Variants in WDR64 observed in about 807,000 individuals in gnomAD.
WDR64 encodes WD repeat-containing protein 64.
Under a neutral mutation model 139.3 loss-of-function variants are expected in WDR64, and 112 were observed. That is an observed-to-expected ratio of 0.80 (90% CI 0.69 to 0.94). WDR64 has a LOEUF of 0.94. Ranked by LOEUF, WDR64 falls within the 40% of genes least tolerant of loss-of-function variation. WDR64 has a pLI of 0.00. For missense variants in WDR64, 1,206 were observed against 1,293.1 expected, an observed-to-expected ratio of 0.93 and a Z score of 1.03; for synonymous variants, 444 against 437.7, an observed-to-expected ratio of 1.01 and a Z score of -0.18.
At chr1:241,794,504 G>GTTTTTTTTTTTT (rs11419039) in intron 25 of WDR64, among the ~76,000 whole-genome samples, 3 of 81,454 alleles carry the variant, frequency 3.7e-5, no homozygotes, top group East Asian at 7.8e-4. Flanking sequence ...AAGCTTTACT[G>GTTTTTTTTTTTT]TTTTTTTTTT....
chr1:241,738,661 C>A (rs1669420056), intron 11 of WDR64, among the ~76,000 whole-genome samples, 172 bp downstream of exon 11: 1 of 152,198 alleles, frequency 6.6e-6, no homozygotes, highest in Admixed American at 6.5e-5. Context: ...CTATATATTT[C>A]TGTGGCTGGA....
chr1:241,675,719 T>TC (rs1358274674), intron 4 of WDR64, among the ~76,000 whole-genome samples: 1 of 152,228 alleles, frequency 6.6e-6, no homozygotes, highest in Non-Finnish European at 1.5e-5. Context: ...CTTTCACATC[T>TC]CTTTTTTTAC....
chr1:241,676,488 C>T (rs921471182), intron 4 of WDR64: 1 of 152,038 alleles, frequency 6.6e-6, no homozygotes, highest in Non-Finnish European at 1.5e-5. Flanking sequence ...CTTTTGTTAC[C>T]TTTATTACCT....
intron 21 of WDR64, among the ~76,000 whole-genome samples, chr1:241,777,746 A>C (rs1658711626): frequency 6.6e-6 from 1 of 152,102 alleles, no homozygotes; most frequent in South Asian, 2.1e-4. Context: ...AAATACTTTT[A>C]AATTTCCCTT....
chr1:241,774,981 G>A (rs1658598608), intron 20 of WDR64, 124 bp from the exon 21 acceptor site: 5 of 709,722 alleles, frequency 7.0e-6, no homozygotes, highest in South Asian at 6.1e-5. Context: ...CAGGGGAATC[G>A]TGGTTCAGTA....
chr1:241,783,980 G>T (rs1168235120), intron 23 of WDR64, among the ~76,000 whole-genome samples: 1 of 152,202 alleles, frequency 6.6e-6, no homozygotes, highest in East Asian at 1.9e-4. Flanking sequence ...CCGCTTAAAA[G>T]AATGAAGTTA....
chr1:241,659,727 A>G (rs1263722899), intron 1 of WDR64, among the ~76,000 whole-genome samples: 1 of 152,144 alleles, frequency 6.6e-6, no homozygotes, highest in East Asian at 1.9e-4. Flanking sequence ...GTGTTCGTTC[A>G]TGTCCTTTGC....
intron 15 of WDR64, among the ~76,000 whole-genome samples, chr1:241,762,461 T>C (rs752689528): frequency 1.4e-4 from 21 of 152,192 alleles, no homozygotes; most frequent in Non-Finnish European, 2.5e-4. Context: ...GGCATATGTT[T>C]GAGGCTGAAG....
intron 26 of WDR64, 100 bp downstream of exon 26, chr1:241,795,387 TAC>T: frequency 9.4e-7 from 1 of 1,065,746 alleles, no homozygotes; most frequent in Non-Finnish European, 1.4e-6. Context: ...GAGAAAATCA[TAC>T]AGTCAGTTGG....
At chr1:241,740,700 C>T (rs1238327012) in intron 11 of WDR64, among the ~76,000 whole-genome samples, 2 of 150,922 alleles carry the variant, frequency 1.3e-5, no homozygotes, top group Non-Finnish European at 2.9e-5. Flanking sequence ...AGGAGTCTCG[C>T]TCTGTCGCCC....
chr1:241,781,546 C>G (rs1658845051), intron 22 of WDR64, among the ~76,000 whole-genome samples: 3 of 152,188 alleles, frequency 2.0e-5, no homozygotes, highest in Admixed American at 2.0e-4. Context: ...CTTGTTCTCT[C>G]CCGATATTAC....
At chr1:241,748,237 A>T (rs1163072172) in intron 13 of WDR64, among the ~76,000 whole-genome samples, 1 of 152,164 alleles carries the variant, frequency 6.6e-6, no homozygotes, top group East Asian at 1.9e-4. Context: ...TCTTGAGGGG[A>T]GATAGGAAAA....
At position 241,775,125 on chromosome 1, in the gene WDR64, G is replaced by C. The variant is rs1256727214; in HGVS notation, c.2451G>C (p.Met817Ile). ...WTLEGRLLKD[M>I]LPFTKHSAIS... ...TTTAGGGAAGACTACTGAAAGATAT[G>C]CTACCTTTCACAAAACATTCTGCCA... is the stretch of plus-strand genomic sequence containing the variant. Residue 817 changes from methionine to isoleucine, a missense_variant, in exon 21 of 28, where the codon ATG becomes ATC. Met to Ile is a conservative substitution (Grantham distance 10, BLOSUM62 1). Transcript: ENST00000437684. The C allele has an allele frequency of 6.4e-7, 1 of 1,550,518 alleles. No homozygotes were observed. The highest frequency in any genetic ancestry group is 1.2e-5 in the South Asian group (1 of 84,000).
At chr1:241,653,417 T>C (rs1665441026) in intron 1 of WDR64, among the ~76,000 whole-genome samples, 1 of 152,228 alleles carries the variant, frequency 6.6e-6, no homozygotes, top group Non-Finnish European at 1.5e-5. Flanking sequence ...CTGGTATTAA[T>C]TGAATAGTAT....
intron 8 of WDR64, among the ~76,000 whole-genome samples, chr1:241,699,384 T>C (rs969807478): frequency 2.0e-5 from 3 of 152,174 alleles, no homozygotes; most frequent in African/African-American, 7.2e-5. Flanking sequence ...CAAATACTTA[T>C]TGATGAATTA....
At chr1:241,791,246 G>A (rs1857239) in intron 25 of WDR64, among the ~76,000 whole-genome samples, 32,027 of 151,906 alleles carry the variant, frequency 0.21, 3,782 homozygotes, top group East Asian at 0.42. Context: ...AGATCGTGCC[G>A]CTGCACTCCA....
In WDR64 at chr1:241,652,345, T is replaced by G. The variant is rs12562115; in HGVS notation, c.-140T>G. ...GCAACTCTTACTCCTACCCGCACTATGGGATTTTAAGATCAAAGGAATTAG... is the reference window on the plus strand; with the variant it reads ...GCAACTCTTACTCCTACCCGCACTAGGGGATTTTAAGATCAAAGGAATTAG... On this transcript the variant is annotated 5_prime_UTR_variant, in exon 1 of 28. It removes an upstream start codon present in the reference 5' UTR. Coordinates refer to ENST00000437684, the MANE Select transcript of WDR64 (RefSeq NM_001367482.1). 0.036 allele frequency: 29,903 copies of G among 830,658 alleles called. 668 individuals are homozygous for G. The highest frequency in any genetic ancestry group is 0.065 in the Admixed American group (2,228 of 34,188). 51.5% of individuals were successfully genotyped at this position (830,658 alleles called of 1,614,324 possible). A position where few individuals can be genotyped will look rare whatever the true frequency, so the allele number is the denominator to read the frequency against.
At chr1:241,668,294 G>A (rs1666098345) in intron 2 of WDR64, among the ~76,000 whole-genome samples, 1 of 152,054 alleles carries the variant, frequency 6.6e-6, no homozygotes, top group Non-Finnish European at 1.5e-5. Context: ...CGGATCACGA[G>A]GTCAGGAGTT....
chr1:241,748,502 G>C (rs1276777978), intron 13 of WDR64, among the ~76,000 whole-genome samples: 3 of 152,008 alleles, frequency 2.0e-5, no homozygotes, highest in Admixed American at 6.6e-5. Flanking sequence ...TTTTTTGTCT[G>C]AGCCACAGCA....
Sources: allele counts gnomAD v4.1 joint callset (sites outside exome capture counted in the v4.1 genomes callset), GRCh38; gene constraint gnomAD v4.1.1; transcripts MANE v1.5; gene names NCBI Gene and HGNC (gene_info 2026-07-23, HGNC 2026-07-21).